Variants in CRISP1 observed in about 807,000 individuals in gnomAD.
CRISP1 encodes the protein cysteine-rich secretory protein 1.
In CRISP1, 44 loss-of-function variants were observed where a neutral mutation model predicts 33.1. The observed-to-expected ratio is 1.33, with a 90% CI of 1.05 to 1.71. The LOEUF (loss-of-function observed/expected upper bound fraction) is 1.71, where lower values mean the gene tolerates loss of function less well. Among genes scored for constraint, CRISP1 ranks in the 40% most tolerant of loss-of-function variants. The pLI is 0.00. For missense variants in CRISP1, 390 were observed against 301.2 expected, an observed-to-expected ratio of 1.29 and a Z score of -2.18; for synonymous variants, 103 against 98.7, an observed-to-expected ratio of 1.04 and a Z score of -0.26.
chr6:49,851,581 T>A (rs1036070462), intron 3 of CRISP1, among the ~76,000 whole-genome samples: 4 of 152,170 alleles, frequency 2.6e-5, no homozygotes, highest in African/African-American at 9.6e-5. Context: ...AAGACAGCTA[T>A]GAAATGCATG....
intron 1 of CRISP1, among the ~76,000 whole-genome samples, chr6:49,871,620 A>G (rs997041983): frequency 8.1e-5 from 11 of 135,048 alleles, no homozygotes; most frequent in African/African-American, 2.6e-4. Context: ...TCATTGTTCA[A>G]TTCCCACCTA....
Position 49,835,462 on chromosome 6 carries a change from GT to G in CRISP1, c.623-20del, listed in dbSNP as rs779114960. 8.1e-6 allele frequency: 13 copies of G among 1,610,680 alleles called. No homozygotes were observed. Among genetic ancestry groups the G allele is most frequent in the Admixed American group, 5.0e-5 (3 of 59,606 alleles). ...GGGTTAGCTGAAAGAAAATAGTATG[GT>G]TTTACAACACAGTCTTTTAAAAATC... On this transcript the variant is annotated intron_variant, in intron 7 of 7. Transcript: ENST00000335847.
Position 49,848,160 on chromosome 6 carries a change from A to ATTT in CRISP1, c.286+46_286+48dup, listed in dbSNP as rs373553362. On this transcript the variant is annotated intron_variant, in intron 4 of 7. Transcript: ENST00000335847. ...GGTACATAACAATCCCTGTTTTACT[A>ATTT]TTTTTTTTTTTTTTAGTCCAAAGGC... 5,436 of 913,722 alleles carry ATTT rather than the reference A, an allele frequency of 5.9e-3. 19 individuals carry two copies. Among genetic ancestry groups the ATTT allele is most frequent in the Non-Finnish European group, 7.0e-3 (4,253 of 609,634 alleles). 56.6% of individuals were successfully genotyped at this position (913,722 alleles called of 1,614,324 possible). A position where few individuals can be genotyped will look rare whatever the true frequency, so the allele number is the denominator to read the frequency against.
intron 5 of CRISP1, among the ~76,000 whole-genome samples, chr6:49,844,294 A>G (rs1048554096): frequency 1.3e-5 from 2 of 152,196 alleles, no homozygotes; most frequent in African/African-American, 4.8e-5. Flanking sequence ...TAAAGTGGAC[A>G]GAGAAAACAG....
chr6:49,851,936 A>G, intron 3 of CRISP1, 65 bp downstream of exon 3: 2 of 1,532,608 alleles, frequency 1.3e-6, no homozygotes, highest in Non-Finnish European at 1.8e-6. Flanking sequence ...CATAGAACTT[A>G]ATAAAACTCA....
chr6:49,840,834 T>A, intron 6 of CRISP1, 64 bp downstream of exon 6: 1 of 1,287,822 alleles, frequency 7.8e-7, no homozygotes. Flanking sequence ...AAAAAAACAA[T>A]GTTTGAAAAA....
chr6:49,858,413 C>T (rs3799692), intron 1 of CRISP1, among the ~76,000 whole-genome samples: 36,573 of 152,084 alleles, frequency 0.24, 4,792 homozygotes, highest in Admixed American at 0.36. Context: ...AAAGAAAGCA[C>T]TTTTAAAGAG....
intron 5 of CRISP1, among the ~76,000 whole-genome samples, chr6:49,843,702 T>C (rs1771067377): frequency 6.6e-6 from 1 of 152,218 alleles, no homozygotes; most frequent in Non-Finnish European, 1.5e-5. Flanking sequence ...CCTAAAAATG[T>C]GGAAGCAGCC....
upstream of CRISP1, among the ~76,000 whole-genome samples, chr6:49,871,108 C>G (rs1053342949): frequency 3.1e-5 from 3 of 96,480 alleles, no homozygotes; most frequent in African/African-American, 8.6e-5. Context: ...CATCTCAAAA[C>G]AAAAACAAAA....
chr6:49,838,677 T>A, intron 6 of CRISP1, 152 bp from the exon 7 acceptor site: 1 of 594,698 alleles, frequency 1.7e-6, no homozygotes, highest in African/African-American at 1.9e-5. Context: ...AGATTTCCAA[T>A]CTTACAGCTA....
intron 5 of CRISP1, 149 bp downstream of exon 5, chr6:49,846,371 C>T: frequency 1.3e-6 from 1 of 785,692 alleles, no homozygotes; most frequent in South Asian, 2.0e-5. Context: ...CAGAACACTT[C>T]CTTCTATTTC....
chr6:49,856,709 A>G (rs967281368), intron 2 of CRISP1, among the ~76,000 whole-genome samples: 2 of 152,274 alleles, frequency 1.3e-5, no homozygotes, highest in South Asian at 2.1e-4. Flanking sequence ...GGTAAATTAA[A>G]ATATATATTA....
At position 49,852,090 on chromosome 6, in the gene CRISP1, C is replaced by T. The variant is rs774787737; in HGVS notation, c.106G>A (p.Asp36Asn). The T allele has an allele frequency of 3.9e-5, 63 of 1,612,992 alleles. No individual in the cohort carries two copies. In the Middle Eastern group the frequency reaches 8.2e-4, roughly 21 times the overall value. The change falls in exon 3 of 8, where the codon GAC becomes AAC. Residue 36 changes from aspartate to asparagine, a missense_variant. Physicochemically the swap from Asp to Asn is conservative, Grantham distance 23 (BLOSUM62 1). Transcript: ENST00000335847. Reference sequence around the variant, plus strand: ...ATCTCTTCTTGTACATTTGGCAAGTCGGTGACGAGCTTATTAAATTGGTCT... The same window carrying T: ...ATCTCTTCTTGTACATTTGGCAAGTTGGTGACGAGCTTATTAAATTGGTCT... ...ARDQFNKLVT[D>N]LPNVQEEIVN...
chr6:49,857,439 A>G, intron 1 of CRISP1, 37 bp from the exon 2 acceptor site: 1 of 1,564,704 alleles, frequency 6.4e-7, no homozygotes, highest in Admixed American at 1.7e-5. Flanking sequence ...ATTATTCTCA[A>G]TTCATGGGAT....
chr6:49,845,818 C>G (rs1250364232), intron 5 of CRISP1, among the ~76,000 whole-genome samples: 1 of 151,734 alleles, frequency 6.6e-6, no homozygotes, highest in Non-Finnish European at 1.5e-5. Context: ...ACAATTCTGA[C>G]ACATGCTACA....
At chr6:49,843,884 G>A (rs1273343828) in intron 5 of CRISP1, among the ~76,000 whole-genome samples, 1 of 152,152 alleles carries the variant, frequency 6.6e-6, no homozygotes, top group African/African-American at 2.4e-5. Context: ...GGTAATCTTT[G>A]TTACAAAGTA....
intron 1 of CRISP1, among the ~76,000 whole-genome samples, chr6:49,859,026 A>T (rs1443367947): frequency 1.3e-5 from 2 of 152,072 alleles, no homozygotes; most frequent in Non-Finnish European, 1.5e-5. Flanking sequence ...TCCTTAACAC[A>T]TGGAAAGGGT....
chr6:49,849,835 T>C (rs912829915), intron 3 of CRISP1, among the ~76,000 whole-genome samples: 8 of 152,030 alleles, frequency 5.3e-5, no homozygotes, highest in African/African-American at 1.9e-4. Flanking sequence ...CTTATTAGCC[T>C]AGCACTGGGT....
intron 6 of CRISP1, among the ~76,000 whole-genome samples, chr6:49,840,662 A>G (rs1042415345): frequency 2.6e-5 from 4 of 152,192 alleles, no homozygotes; most frequent in Non-Finnish European, 5.9e-5. Context: ...AATACAGTCA[A>G]AGGAATAAAA....
Sources: gnomAD v4.1 joint callset for allele counts (sites outside exome capture counted in the v4.1 genomes callset) on GRCh38, gnomAD v4.1.1 for gene constraint, MANE v1.5 for transcripts, NCBI Gene and HGNC (gene_info 2026-07-23, HGNC 2026-07-21) for gene names.